Variants in TRIM49B observed in about 807,000 individuals in gnomAD.
TRIM49B encodes the protein putative tripartite motif-containing protein 49B.
A neutral mutation model predicts 31.8 loss-of-function variants in TRIM49B; 18 were observed. The observed-to-expected ratio is 0.57, with a 90% confidence interval of 0.39 to 0.84. TRIM49B has a LOEUF of 0.84. Ranked by LOEUF, TRIM49B falls within the 40% of genes least tolerant of loss-of-function variation. The probability of loss-of-function intolerance (pLI) is 0.00; values close to 1 mark genes in which losing one functional copy is unlikely to be tolerated. For missense variants in TRIM49B, 494 were observed against 538.7 expected, an observed-to-expected ratio of 0.92 and a Z score of 0.82; for synonymous variants, 196 against 180.6, an observed-to-expected ratio of 1.09 and a Z score of -0.68.
intron 5 of TRIM49B, 51 bp from the exon 6 acceptor site, chr11:49,036,250 T>C: frequency 6.3e-7 from 1 of 1,595,302 alleles, no homozygotes; most frequent in Non-Finnish European, 8.5e-7. Flanking sequence ...AATAGTGATT[T>C]TTATTTATTT....
chr11:49,030,842 A>G (rs1234589292), intron 1 of TRIM49B, among the ~76,000 whole-genome samples: 1 of 152,146 alleles, frequency 6.6e-6, no homozygotes, highest in Non-Finnish European at 1.5e-5. Flanking sequence ...AAAACCTCCT[A>G]TATGTTAGTT....
At chr11:49,029,767 A>G (rs894349066) in intron 1 of TRIM49B, among the ~76,000 whole-genome samples, 3 of 152,254 alleles carry the variant, frequency 2.0e-5, no homozygotes, top group African/African-American at 7.2e-5. Context: ...GTGTGCTGAT[A>G]CATTTATCGG....
At chr11:49,034,460 T>C (rs1854494685) in intron 4 of TRIM49B, 84 bp downstream of exon 4, 3 of 1,611,080 alleles carry the variant, frequency 1.9e-6, no homozygotes, top group East Asian at 4.5e-5. Context: ...ATCTCCCTAA[T>C]TTTATTTCCA....
At chr11:49,033,193 A>C (rs1332285153) in intron 3 of TRIM49B, among the ~76,000 whole-genome samples, 1 of 152,168 alleles carries the variant, frequency 6.6e-6, no homozygotes, top group African/African-American at 2.4e-5. Flanking sequence ...AGAGAGTCAA[A>C]TGGTCAATAC....
In TRIM49B at chr11:49,035,130, C is replaced by G; in HGVS notation, c.761+13C>G. The G allele has an allele frequency of 1.2e-6, 2 of 1,602,712 alleles. No homozygotes were observed. The highest frequency in any genetic ancestry group is 1.7e-6 in the Non-Finnish European group (2 of 1,176,608). On this transcript the variant is annotated intron_variant, in intron 5 of 6. Transcript: ENST00000332682. ...ACATATTACACAGGTGAGTGTGTAC[C>G]TAGATTTTAGCATATGTTCTTTAAG...
chr11:49,035,391 G>A (rs1012600157), intron 5 of TRIM49B, among the ~76,000 whole-genome samples: 3 of 115,566 alleles, frequency 2.6e-5, no homozygotes, highest in African/African-American at 7.9e-5. Context: ...ACGGTGTCTG[G>A]CTCTGTCGCC....
At chr11:49,036,064 C>G (rs1440788670) in intron 5 of TRIM49B, among the ~76,000 whole-genome samples, 1 of 98,592 alleles carries the variant, frequency 1.0e-5, no homozygotes, top group Non-Finnish European at 2.1e-5. Flanking sequence ...AGCTAAGGAA[C>G]CTTACACATT....
intron 6 of TRIM49B, among the ~76,000 whole-genome samples, chr11:49,036,603 A>G (rs941690820): frequency 2.2e-4 from 34 of 152,140 alleles, no homozygotes; most frequent in African/African-American, 8.0e-4. Flanking sequence ...AAAAAGAAAT[A>G]CTTTCTGGCA....
intron 3 of TRIM49B, among the ~76,000 whole-genome samples, chr11:49,032,885 A>C (rs1232269007): frequency 6.6e-6 from 1 of 152,230 alleles, no homozygotes; most frequent in African/African-American, 2.4e-5. Context: ...TGAAAAATAC[A>C]TAACATACGA....
rs1010500807 is a variant in TRIM49B, at chr11:49,037,876, G to A, written c.1258G>A (p.Val420Met). Residue 420 changes from valine (V) to methionine (M), a missense_variant, in exon 7 of 7, where the codon GTG becomes ATG. By Grantham distance (21) the Val-to-Met change is conservative. Coordinates refer to ENST00000332682, the MANE Select transcript of TRIM49B (RefSeq NM_001206626.2). ...ATTCCTGGATTGTGAGGCTAAGACT[G>A]TGAGCTTTGTTGATGTTAATCAAAG... Reference protein sequence around the residue: ...GLFLDCEAKTVSFVDVNQSSL... With the variant: ...GLFLDCEAKTMSFVDVNQSSL... The A allele has an allele frequency of 3.1e-6, 5 of 1,613,736 alleles. No homozygotes were observed. Among genetic ancestry groups the A allele is most frequent in the Non-Finnish European group, 4.2e-6 (5 of 1,179,848 alleles).
chr11:49,037,666 T>C lies in TRIM49B; in HGVS notation c.1048T>C (p.Ser350Pro). 2.5e-6 allele frequency: 4 copies of C among 1,613,974 alleles called. No homozygotes were observed. Among genetic ancestry groups the C allele is most frequent in the Non-Finnish European group, 3.4e-6 (4 of 1,179,862 alleles). Reference protein sequence around the residue: ...KYYWEVHVGDSWNWAFGVCNM... With the variant: ...KYYWEVHVGDPWNWAFGVCNM... ...TTACTGGGAGGTCCATGTAGGGGAC[T>C]CCTGGAATTGGGCTTTTGGTGTCTG... Residue 350 changes from serine to proline, a missense_variant, in exon 7 of 7, where the codon TCC (serine) becomes CCC (proline). By Grantham distance (74) the Ser-to-Pro change is moderately conservative (BLOSUM62 -1). Coordinates refer to ENST00000332682, the MANE Select transcript of TRIM49B (RefSeq NM_001206626.2).
chr11:49,036,775 G>A (rs1351366133), intron 6 of TRIM49B, among the ~76,000 whole-genome samples: 1 of 151,562 alleles, frequency 6.6e-6, no homozygotes, highest in East Asian at 1.9e-4. Context: ...TGTTCTTTGG[G>A]GGAATATAGT....
rs565588727 is a variant in TRIM49B at position 49,036,439 on chromosome 11, A to G, written c.859+41A>G. On this transcript the variant is annotated intron_variant, in intron 6 of 6. Transcript: ENST00000332682. ...CAGGCAGCACTCCCACTATCTAAATATTATTATTGTTAGGATCACATAGGT... is the reference window on the plus strand; with the variant it reads ...CAGGCAGCACTCCCACTATCTAAATGTTATTATTGTTAGGATCACATAGGT... 9.4e-5 allele frequency: 101 copies of G among 1,068,892 alleles called. No individual in the cohort carries two copies. The South Asian group carries it at 1.4e-3, about 15-fold the overall frequency. The allele number at this position is 1,068,892 out of a possible 1,614,324, so 66.2% of individuals were successfully genotyped here.
At chr11:49,029,295 A>G (rs1032822576) in intron 1 of TRIM49B, among the ~76,000 whole-genome samples, 4 of 152,232 alleles carry the variant, frequency 2.6e-5, no homozygotes, top group African/African-American at 9.6e-5. Flanking sequence ...ATATTGTCAA[A>G]TTGAATTGAG....
chr11:49,031,105 T>A (rs1391140172), intron 1 of TRIM49B, among the ~76,000 whole-genome samples: 1 of 152,100 alleles, frequency 6.6e-6, no homozygotes, highest in Non-Finnish European at 1.5e-5. Context: ...GGTAAACTTG[T>A]GCCATGGTGG....
At position 49,034,523 on chromosome 11, in the gene TRIM49B, G is replaced by C. The variant is rs1590635582; in HGVS notation, c.738+147G>C. The C allele has an allele frequency of 2.6e-6, 4 of 1,554,900 alleles. No homozygotes were observed. The East Asian group carries it at 6.7e-5, about 26-fold the overall frequency. On this transcript the variant is annotated intron_variant, in intron 4 of 6. Transcript: ENST00000332682. ...TAACTAATGCTACTTTGTTGGGAGA[G>C]TATAGCCCCACTAAGGGATTCTACC...
At chr11:49,035,579 C>G (rs1471694884) in intron 5 of TRIM49B, among the ~76,000 whole-genome samples, 3 of 151,830 alleles carry the variant, frequency 2.0e-5, no homozygotes, top group Non-Finnish European at 4.4e-5. Context: ...AGGATGGTCT[C>G]TATCTCCTGA....
At chr11:49,033,384 AGG>A (rs2134697823) in intron 3 of TRIM49B, among the ~76,000 whole-genome samples, 2 of 152,218 alleles carry the variant, frequency 1.3e-5, no homozygotes, top group East Asian at 3.9e-4. Context: ...AGTTTTGAAG[AGG>A]AGGGGGAACA....
At chr11:49,029,346 T>C (rs930203159) in intron 1 of TRIM49B, among the ~76,000 whole-genome samples, 1 of 152,212 alleles carries the variant, frequency 6.6e-6, no homozygotes, top group African/African-American at 2.4e-5. Context: ...TTTCATAACA[T>C]TCAGGTTTTA....
Sources: gnomAD v4.1 joint callset for allele counts (sites outside exome capture counted in the v4.1 genomes callset) on GRCh38, gnomAD v4.1.1 for gene constraint, MANE v1.5 for transcripts, NCBI Gene and HGNC (gene_info 2026-07-23, HGNC 2026-07-21) for gene names.